ERC1: variants seen among roughly 807,000 people sequenced by gnomAD.
ERC1 encodes the protein ELKS/RAB6-interacting/CAST family member 1.
A neutral mutation model predicts 132.0 loss-of-function variants in ERC1; 56 were observed. That is an observed-to-expected ratio of 0.42 (90% CI 0.34 to 0.53). The LOEUF is 0.53. ERC1 is among the 20% of genes least tolerant of loss of function. The probability of loss-of-function intolerance (pLI) is 0.03; values close to 1 mark genes in which losing one functional copy is unlikely to be tolerated. For synonymous variants in ERC1, 478 were observed against 476.1 expected, an observed-to-expected ratio of 1.00 and a Z score of -0.05; for missense variants, 1,202 against 1,349.9, an observed-to-expected ratio of 0.89 and a Z score of 1.72.
At chr12:1,025,761 A>G (rs556949996) in intron 1 of ERC1, among the ~76,000 whole-genome samples, 1 of 151,784 alleles carries the variant, frequency 6.6e-6, no homozygotes, top group Non-Finnish European at 1.5e-5. Flanking sequence ...GCTAATACAG[A>G]CATACCCGAG....
intron 17 of ERC1, among the ~76,000 whole-genome samples, chr12:1,441,359 C>T (rs1256010450): frequency 6.6e-6 from 1 of 152,180 alleles, no homozygotes; most frequent in African/African-American, 2.4e-5. Context: ...CCGTGCCCGG[C>T]TGAAATTGAT....
chr12:1,169,669 G>A (rs983903593), intron 8 of ERC1, among the ~76,000 whole-genome samples: 11 of 152,226 alleles, frequency 7.2e-5, no homozygotes, highest in South Asian at 4.1e-4. Context: ...TAGACCTGGC[G>A]AAAATAAAAA....
chr12:1,032,047 CT>C (rs368829263), intron 2 of ERC1, among the ~76,000 whole-genome samples: 1,605 of 139,910 alleles, frequency 0.011, 20 homozygotes, highest in African/African-American at 0.033. Flanking sequence ...TAATCTAATT[CT>C]TTTTTTTTTT....
At chr12:1,212,739 A>G (rs1594262997) in intron 12 of ERC1, among the ~76,000 whole-genome samples, 2 of 152,212 alleles carry the variant, frequency 1.3e-5, no homozygotes, top group East Asian at 3.9e-4. Context: ...CCCAGGTTAC[A>G]CCCGTGAAAA....
chr12:1,121,693 ATCTCTATCTCTATCTGTGTC>A (rs1947155138), intron 7 of ERC1, among the ~76,000 whole-genome samples: 2 of 59,508 alleles, frequency 3.4e-5, no homozygotes, highest in African/African-American at 6.1e-5. Context: ...CTCTATCTCT[ATCTCTATCTCTATCTGTGTC>A]TCTATCTCTA....
chr12:1,479,829 C>T (rs559896114), intron 18 of ERC1, among the ~76,000 whole-genome samples: 91 of 152,210 alleles, frequency 6.0e-4, no homozygotes, highest in African/African-American at 1.9e-3. Flanking sequence ...TGAGGCAGGA[C>T]GGATCCAGAC....
chr12:1,406,233 T>C (rs1056342960), intron 16 of ERC1, among the ~76,000 whole-genome samples: 1 of 152,206 alleles, frequency 6.6e-6, no homozygotes, highest in African/African-American at 2.4e-5. Flanking sequence ...AGTCAGCTGG[T>C]GAGAGACAGA....
chr12:1,249,295 A>T (rs2076336020), intron 13 of ERC1, among the ~76,000 whole-genome samples: 1 of 152,264 alleles, frequency 6.6e-6, no homozygotes, highest in African/African-American at 2.4e-5. Flanking sequence ...TTCCAGCAAC[A>T]GCAAGAACCT....
chr12:1,167,925 A>G (rs2906107), intron 8 of ERC1, among the ~76,000 whole-genome samples: 38,305 of 151,772 alleles, frequency 0.25, 5,057 homozygotes, highest in Non-Finnish European at 0.28. Flanking sequence ...CATGTTGGCC[A>G]GGATGCTCTC....
At chr12:1,015,516 T>C (rs916990466) in intron 1 of ERC1, among the ~76,000 whole-genome samples, 3 of 152,206 alleles carry the variant, frequency 2.0e-5, no homozygotes, top group Non-Finnish European at 4.4e-5. Context: ...AATGCAATAA[T>C]TGAATATCAT....
chr12:1,452,157 A>G (rs1273811778), intron 18 of ERC1, among the ~76,000 whole-genome samples: 2 of 151,932 alleles, frequency 1.3e-5, no homozygotes, highest in African/African-American at 4.8e-5. Context: ...TGTTTTTGAG[A>G]TGTTCTCTGG....
rs903967634 is a variant in ERC1 at position 1,328,850 on chromosome 12, C to T, written c.2780+38838C>T. On this transcript the variant is annotated intron_variant, in intron 15 of 18. Coordinates refer to ENST00000360905, the MANE Select transcript of ERC1 (RefSeq NM_178040.4). ...GGAGCATCTAATTCAGTGTTAGACA[C>T]GGTTCTACGTGTTAGCAGTATCATC... 8.7e-5 allele frequency among the ~76,000 whole-genome samples: 13 copies of T among 148,936 alleles called. 2 individuals are homozygous for T. Among genetic ancestry groups the T allele is most frequent in the African/African-American group, 2.5e-4 (10 of 39,930 alleles).
intron 1 of ERC1, among the ~76,000 whole-genome samples, chr12:1,000,499 AAAAT>A (rs1249075643): frequency 1.3e-5 from 2 of 151,976 alleles, no homozygotes; most frequent in African/African-American, 2.4e-5. Context: ...AAAAAAAAAA[AAAAT>A]AACCCAATGG....
At chr12:1,266,698 C>G (rs748932171) in intron 14 of ERC1, among the ~76,000 whole-genome samples, 1 of 152,064 alleles carries the variant, frequency 6.6e-6, no homozygotes, top group South Asian at 2.1e-4. Context: ...AGTCACCGTG[C>G]CTGGCCCATC....
intron 12 of ERC1, among the ~76,000 whole-genome samples, chr12:1,219,186 A>C (rs371307783): frequency 2.0e-5 from 3 of 152,104 alleles, no homozygotes; most frequent in African/African-American, 7.2e-5. Context: ...GACTTCTTCA[A>C]GTCTAAGGCA....
intron 1 of ERC1, among the ~76,000 whole-genome samples, chr12:1,002,160 CTTTTTTTTTTT>C (rs71055117): frequency 3.1e-4 from 12 of 38,482 alleles, no homozygotes; most frequent in South Asian, 1.2e-3. Context: ...CCATGCCCGG[CTTTTTTTTTTT>C]TTTTTTTTTT....
intron 14 of ERC1, among the ~76,000 whole-genome samples, 194 bp downstream of exon 14, chr12:1,263,359 A>G (rs533508016): frequency 1.3e-5 from 2 of 152,338 alleles, no homozygotes; most frequent in Admixed American, 6.5e-5. Context: ...TGTCAAGTAT[A>G]GAAAGAAAGA....
chr12:1,104,773 T>A lies in ERC1; in HGVS notation c.1110T>A (p.Asn370Lys), dbSNP rs1593317436. 6.2e-7 allele frequency: 1 copy of A among 1,613,454 alleles called. No homozygotes were observed. The highest frequency in any genetic ancestry group is 8.5e-7 in the Non-Finnish European group (1 of 1,179,350). The change falls in exon 4 of 19, where the codon AAT becomes AAA. Residue 370 changes from asparagine to lysine, a missense_variant. Transcript: ENST00000360905. ...LREEMHRRFE[N>K]APDSAKTKAL... ...AGGAGATGCATCGAAGGTTTGAGAA[T>A]GCTCCTGATTCTGCCAAAACAAAAG... is the stretch of plus-strand genomic sequence containing the variant.
chr12:1,185,873 C>T (rs2154274901), intron 11 of ERC1, among the ~76,000 whole-genome samples: 1 of 152,136 alleles, frequency 6.6e-6, no homozygotes, highest in East Asian at 1.9e-4. Context: ...TTAATTCATT[C>T]AGGACTGCTT....
Sources: allele counts gnomAD v4.1 joint callset (sites outside exome capture counted in the v4.1 genomes callset), GRCh38; gene constraint gnomAD v4.1.1; transcripts MANE v1.5; gene names NCBI Gene and HGNC (gene_info 2026-07-23, HGNC 2026-07-21).